The following ADAM12 variants were observed in gnomAD, a reference collection of about 807,000 sequenced individuals.
ADAM12 encodes ADAM metallopeptidase domain 12.
A neutral mutation model predicts 106.4 loss-of-function variants in ADAM12; 70 were observed. The ratio of observed to expected loss-of-function variants is 0.66; its 90% confidence interval spans 0.54 to 0.80. The LOEUF is 0.80. Ranked by LOEUF, ADAM12 falls within the 30% of genes least tolerant of loss-of-function variation. The pLI, the probability that ADAM12 is intolerant of heterozygous loss-of-function variation, is 0.00. For synonymous variants in ADAM12, 420 were observed against 433.5 expected, an observed-to-expected ratio of 0.97 and a Z score of 0.39; for missense variants, 1,010 against 1,171.9, an observed-to-expected ratio of 0.86 and a Z score of 2.02.
chr10:126,156,833 G>C (rs1348104114), intron 3 of ADAM12, among the ~76,000 whole-genome samples: 2 of 152,250 alleles, frequency 1.3e-5, no homozygotes, highest in Non-Finnish European at 2.9e-5. Context: ...GAAAGGCCTG[G>C]AGTCTGGGGA....
intron 1 of ADAM12, among the ~76,000 whole-genome samples, chr10:126,340,349 AG>A (rs1423576305): frequency 6.6e-6 from 1 of 152,238 alleles, no homozygotes; most frequent in African/African-American, 2.4e-5. Context: ...TTGCTATGCA[AG>A]GAAGCCCCAT....
intron 2 of ADAM12, among the ~76,000 whole-genome samples, chr10:126,317,761 T>C (rs1853936792): frequency 6.6e-6 from 1 of 152,212 alleles, no homozygotes; most frequent in African/African-American, 2.4e-5. Context: ...TATACCATTT[T>C]ATTTTATTAT....
At chr10:126,221,701 G>A (rs1447143512) in intron 3 of ADAM12, among the ~76,000 whole-genome samples, 1 of 152,222 alleles carries the variant, frequency 6.6e-6, no homozygotes, top group Non-Finnish European at 1.5e-5. Flanking sequence ...CAGAGGTGCT[G>A]AAATCTGTCA....
At chr10:126,081,846 C>A (rs1051756754) in intron 11 of ADAM12, among the ~76,000 whole-genome samples, 2 of 152,146 alleles carry the variant, frequency 1.3e-5, no homozygotes, top group Admixed American at 6.5e-5. Context: ...CGAATCCCCC[C>A]GTATATGATA....
At chr10:126,158,660 T>G in intron 3 of ADAM12, among the ~76,000 whole-genome samples, 1 of 123,776 alleles carries the variant, frequency 8.1e-6, no homozygotes, top group South Asian at 2.7e-4. Flanking sequence ...GGTTGGGGGA[T>G]GCACAGAGCA....
chr10:126,083,779 G>A (rs1278349), intron 11 of ADAM12, among the ~76,000 whole-genome samples: 105,893 of 152,140 alleles, frequency 0.7, 37,265 homozygotes, highest in East Asian at 0.82. Flanking sequence ...GGGAGAGGGA[G>A]CTGGGCCTGA....
At chr10:126,102,113 G>C (rs150319625) in intron 8 of ADAM12, among the ~76,000 whole-genome samples, 1 of 152,142 alleles carries the variant, frequency 6.6e-6, no homozygotes, top group Non-Finnish European at 1.5e-5. Context: ...GGATGGCTTT[G>C]TCTCATAGGA....
chr10:126,198,254 T>G (rs1957634283), intron 3 of ADAM12, among the ~76,000 whole-genome samples: 1 of 152,154 alleles, frequency 6.6e-6, no homozygotes, highest in Non-Finnish European at 1.5e-5. Context: ...GTAGACACAT[T>G]TCAAAGACTG....
intron 11 of ADAM12, among the ~76,000 whole-genome samples, chr10:126,086,680 A>AAAAAAAATAT (rs1554966976): frequency 4.1e-5 from 1 of 24,272 alleles, no homozygotes; most frequent in Admixed American, 7.9e-4. Flanking sequence ...AAAAAAAAAA[A>AAAAAAAATAT]ATATATATAT....
At chr10:126,323,949 G>A (rs2133839648) in intron 2 of ADAM12, among the ~76,000 whole-genome samples, 1 of 152,340 alleles carries the variant, frequency 6.6e-6, no homozygotes, top group East Asian at 1.9e-4. Context: ...ATATCCAACA[G>A]AAAGAACTAG....
intron 1 of ADAM12, among the ~76,000 whole-genome samples, chr10:126,370,689 A>T (rs903879210): frequency 6.6e-6 from 1 of 152,244 alleles, no homozygotes; most frequent in East Asian, 1.9e-4. Flanking sequence ...TCCCAAGATA[A>T]ACACAAGCTG....
intron 3 of ADAM12, among the ~76,000 whole-genome samples, chr10:126,239,059 GAAAT>G (rs1263880602): frequency 6.6e-6 from 1 of 152,180 alleles, no homozygotes; most frequent in Non-Finnish European, 1.5e-5. Context: ...CTTGGGAGCT[GAAAT>G]AAACCAAAAT....
intron 5 of ADAM12, among the ~76,000 whole-genome samples, chr10:126,121,144 ATAC>A (rs1956092683): frequency 1.9e-5 from 1 of 53,472 alleles, no homozygotes; most frequent in Admixed American, 2.8e-4. Context: ...TATACTATAT[ATAC>A]TATATATACT....
At chr10:126,323,256 T>C (rs1388226293) in intron 2 of ADAM12, among the ~76,000 whole-genome samples, 2 of 152,196 alleles carry the variant, frequency 1.3e-5, no homozygotes, top group African/African-American at 4.8e-5. Flanking sequence ...TGCTACCATC[T>C]AGCCTGAGCA....
chr10:126,288,223 C>T (rs1416362809), intron 2 of ADAM12, among the ~76,000 whole-genome samples: 4 of 147,204 alleles, frequency 2.7e-5, no homozygotes, highest in African/African-American at 1.1e-4. Context: ...AGCAGGGAAA[C>T]CCTGGACTTT....
intron 3 of ADAM12, among the ~76,000 whole-genome samples, chr10:126,202,032 C>T (rs1486018712): frequency 6.6e-6 from 1 of 152,204 alleles, no homozygotes; most frequent in Non-Finnish European, 1.5e-5. Context: ...CTGCAACGCA[C>T]AGGATGTACA....
intron 3 of ADAM12, among the ~76,000 whole-genome samples, chr10:126,236,602 T>C (rs1029753474): frequency 6.7e-6 from 1 of 149,902 alleles, no homozygotes; most frequent in African/African-American, 2.5e-5. Context: ...GAAGGAGCAC[T>C]CACAGGAAGG....
rs1955294547 is a variant in ADAM12 at position 126,084,378 on chromosome 10, C to T, written c.1145+9607G>A. Among the ~76,000 whole-genome samples the T allele has an allele frequency of 3.9e-5, 6 of 152,272 alleles. No individual in the cohort carries two copies. The South Asian group carries it at 8.3e-4, about 21-fold the overall frequency. On this transcript the variant is annotated intron_variant, in intron 11 of 22. Transcript: ENST00000448723. Reference sequence around the variant, plus strand: ...AGCCCATCAGAGGCCATGTATCAGACGAGCTACTCAGCTTCATTGCAAGAA... The same window carrying T: ...AGCCCATCAGAGGCCATGTATCAGATGAGCTACTCAGCTTCATTGCAAGAA...
chr10:126,278,703 TG>T (rs924043449), intron 3 of ADAM12, among the ~76,000 whole-genome samples: 13 of 152,228 alleles, frequency 8.5e-5, no homozygotes, highest in African/African-American at 3.1e-4. Context: ...AAAATAGTGT[TG>T]AGTTATAAAG....
Sources: allele counts gnomAD v4.1 joint callset (sites outside exome capture counted in the v4.1 genomes callset), GRCh38; gene constraint gnomAD v4.1.1; transcripts MANE v1.5; gene names NCBI Gene and HGNC (gene_info 2026-07-23, HGNC 2026-07-21).